FBXO39: variants seen among roughly 807,000 people sequenced by gnomAD.
FBXO39 encodes F-box protein 39, also known as F-box only protein 39.
FBXO39 carries 22 observed loss-of-function variants against 36.6 expected under a neutral mutation model. The observed-to-expected ratio is 0.60, with a 90% CI of 0.43 to 0.86. FBXO39 has a LOEUF of 0.86. Ranked by LOEUF, FBXO39 falls within the 40% of genes least tolerant of loss-of-function variation. The pLI, the probability that FBXO39 is intolerant of heterozygous loss-of-function variation, is 0.00. For synonymous variants in FBXO39, 206 were observed against 205.8 expected, an observed-to-expected ratio of 1.00 and a Z score of -0.01; for missense variants, 536 against 543.9, an observed-to-expected ratio of 0.99 and a Z score of 0.14.
At position 6,780,120 on chromosome 17, in the gene FBXO39, G is replaced by A; in HGVS notation, c.252G>A (p.Lys84=). 1 of 1,614,198 alleles carries A rather than the reference G, an allele frequency of 6.2e-7. No individual in the cohort carries two copies. Among genetic ancestry groups the A allele is most frequent in the Non-Finnish European group, 8.5e-7 (1 of 1,180,040 alleles). The part of the protein sequence containing the change: ...EVESAVWYVK[K]FGRYLEHLEV... ...AGTCAGCTGTTTGGTATGTTAAGAA[G>A]TTTGGTCGTTATCTGGAGCACCTGG... Residue 84 remains lysine (K), a synonymous_variant, in exon 2 of 4, where the codon AAG becomes AAA. Coordinates refer to ENST00000321535, the MANE Select transcript of FBXO39 (RefSeq NM_153230.3).
rs1225459657 is a variant in FBXO39, at chr17:6,780,815, G to A, written c.947G>A (p.Cys316Tyr). The change falls in exon 2 of 4, where the codon TGC becomes TAC. Residue 316 changes from cysteine to tyrosine, a missense_variant. Physicochemically the swap from Cys to Tyr is radical, Grantham distance 194 (BLOSUM62 -2). Transcript: ENST00000321535. ...IPIRSISLRSCYFSDPDCSMR... is the reference protein window; with the variant it reads ...IPIRSISLRSYYFSDPDCSMR... Reference sequence around the variant, plus strand: ...ATCAGGAGCATCAGTCTGAGAAGCTGCTATTTCAGTGACCCAGACTGTTCA... The same window carrying A: ...ATCAGGAGCATCAGTCTGAGAAGCTACTATTTCAGTGACCCAGACTGTTCA... 1 of 1,613,954 alleles carries A rather than the reference G, an allele frequency of 6.2e-7. No homozygotes were observed. Among genetic ancestry groups the A allele is most frequent in the African/African-American group, 1.3e-5 (1 of 74,920 alleles).
Position 6,780,012 on chromosome 17 carries a change from G to A in FBXO39, c.144G>A (p.Gln48=), listed in dbSNP as rs755664200. The A allele has an allele frequency of 8.7e-6, 14 of 1,614,106 alleles. No individual in the cohort carries two copies. The Admixed American group carries it at 1.8e-4, about 21-fold the overall frequency. The change falls in exon 2 of 4, where the codon CAG becomes CAA. Residue 48 remains glutamine, a synonymous_variant. Coordinates refer to ENST00000321535, the MANE Select transcript of FBXO39 (RefSeq NM_153230.3). The part of the protein sequence containing the change: ...RAALVCRKWN[Q]MMYSAELWRY... ...CTCTTGTCTGCAGAAAGTGGAACCA[G>A]ATGATGTATTCTGCTGAGCTCTGGC...
At chr17:6,784,812 TG>T (rs1448425023) in intron 2 of FBXO39, among the ~76,000 whole-genome samples, 3 of 152,000 alleles carry the variant, frequency 2.0e-5, no homozygotes, top group Non-Finnish European at 4.4e-5. Context: ...GAAGAATCAA[TG>T]TTGTCAAAAT....
intron 2 of FBXO39, among the ~76,000 whole-genome samples, chr17:6,783,469 A>T (rs1976532453): frequency 6.6e-6 from 1 of 152,046 alleles, no homozygotes; most frequent in Non-Finnish European, 1.5e-5. Flanking sequence ...AGTGAAATAA[A>T]AGCTTTTTGA....
intron 3 of FBXO39, 36 bp from the exon 4 acceptor site, chr17:6,787,264 G>C (rs5016848): frequency 4.4e-6 from 7 of 1,603,322 alleles, no homozygotes; most frequent in Non-Finnish European, 5.1e-6. Context: ...GCGTGTGTGC[G>C]TGCTCATATG....
Position 6,780,033 on chromosome 17 carries a change from C to T in FBXO39, c.165C>T (p.Leu55=). 2 of 1,614,216 alleles carry T rather than the reference C, an allele frequency of 1.2e-6. No homozygotes were observed. The highest frequency in any genetic ancestry group is 1.7e-6 in the Non-Finnish European group (2 of 1,180,048). The change falls in exon 2 of 4, where the codon CTC becomes CTT. Residue 55 remains leucine (L), a synonymous_variant. Coordinates refer to ENST00000321535, the MANE Select transcript of FBXO39 (RefSeq NM_153230.3). ...ACCAGATGATGTATTCTGCTGAGCT[C>T]TGGCGGTACAGAACCATCACCTTCA... ...KWNQMMYSAE[L]WRYRTITFSG...
At position 6,786,927 on chromosome 17, in the gene FBXO39, GAA is replaced by G. The variant is rs1976579963; in HGVS notation, c.1172_1173del (p.Glu391AlafsTer18). ...FVERILKSQK[E>X]RQCALRVFKA... ...GGAGCGGATCCTGAAGAGTCAGAAA[GAA>G]CGGCAGTGTGCCCTGCGTGTATTCA... On this transcript the variant is annotated frameshift_variant, in exon 3 of 4. Coordinates refer to ENST00000321535, the MANE Select transcript of FBXO39 (RefSeq NM_153230.3). LOFTEE classifies it high-confidence loss of function. 2 of 1,613,920 alleles carry G rather than the reference GAA, an allele frequency of 1.2e-6. No individual in the cohort carries two copies. Among genetic ancestry groups the G allele is most frequent in the African/African-American group, 2.7e-5 (2 of 75,048 alleles).
Position 6,779,968 on chromosome 17 carries a change from A to C in FBXO39, c.100A>C (p.Arg34=). 6.2e-7 allele frequency: 1 copy of C among 1,614,230 alleles called. No homozygotes were observed. Among genetic ancestry groups the C allele is most frequent in the Non-Finnish European group, 8.5e-7 (1 of 1,180,036 alleles). The change falls in exon 2 of 4, where the codon AGG becomes CGG. Residue 34 remains arginine (R), a synonymous_variant. Coordinates refer to ENST00000321535, the MANE Select transcript of FBXO39 (RefSeq NM_153230.3). ...LCRVFWWLGD[R]DRSRAALVCR... is the part of the protein sequence containing the mutation. ...CCGTGTTTTCTGGTGGCTAGGAGAC[A>C]GGGACAGGTCCAGGGCTGCTCTTGT...
At position 6,787,511 on chromosome 17, in the gene FBXO39, G is replaced by A. The variant is rs1252754719; in HGVS notation, c.*83G>A. ...TTAGAACTACACTTGGGCACTGCCG[G>A]CCCTTTTGCTCCTCTCTCTCCCCTC... On this transcript the variant is annotated 3_prime_UTR_variant, in exon 4 of 4. Transcript: ENST00000321535. The A allele has an allele frequency of 5.9e-6, 9 of 1,533,434 alleles. No individual in the cohort carries two copies. The highest frequency in any genetic ancestry group is 1.7e-4 in the Middle Eastern group (1 of 5,726). The allele number at this position is 1,533,434 out of a possible 1,614,324, so 95.0% of individuals were successfully genotyped here.
rs1035210969 is a variant in FBXO39 at position 6,780,642 on chromosome 17, C to T, written c.774C>T (p.Cys258=). 6.2e-7 allele frequency: 1 copy of T among 1,614,134 alleles called. No homozygotes were observed. Residue 258 remains cysteine (C), a synonymous_variant, in exon 2 of 4, where the codon TGC becomes TGT. Transcript: ENST00000321535. ...CCCTCCGGACCATCAACATCAAATG[C>T]CACGTTCATGACCCCCACGGACAGG... ...ASTLRTINIK[C]HVHDPHGQVI...
intron 2 of FBXO39, among the ~76,000 whole-genome samples, chr17:6,784,741 T>A (rs1233531931): frequency 6.6e-6 from 1 of 151,068 alleles, no homozygotes; most frequent in South Asian, 2.1e-4. Context: ...TTATAAAATA[T>A]TGATGCAAGA....
chr17:6,784,929 A>ACATATATATATATGTGTGTG (rs1976549461), intron 2 of FBXO39, among the ~76,000 whole-genome samples: 1 of 136,214 alleles, frequency 7.3e-6, no homozygotes, highest in African/African-American at 3.1e-5. Context: ...ATATATATAT[A>ACATATATATATATGTGTGTG]TGTGTGTGTG....
At chr17:6,786,103 A>G (rs187089988) in intron 2 of FBXO39, among the ~76,000 whole-genome samples, 3 of 152,390 alleles carry the variant, frequency 2.0e-5, no homozygotes, top group Admixed American at 2.0e-4. Context: ...GAAGCAACCT[A>G]AGTGTCCATC....
rs756354464 is a variant in FBXO39 at position 6,787,478 on chromosome 17, C to A, written c.*50C>A. 3 of 1,606,064 alleles carry A rather than the reference C, an allele frequency of 1.9e-6. No homozygotes were observed. The highest frequency in any genetic ancestry group is 1.3e-5 in the African/African-American group (1 of 74,586). On this transcript the variant is annotated 3_prime_UTR_variant, in exon 4 of 4. Coordinates refer to ENST00000321535, the MANE Select transcript of FBXO39 (RefSeq NM_153230.3). ...CTGGGAGCACTTTGAACTTGAAAATCATTTCTCTTAGAACTACACTTGGGC... is the reference window on the plus strand; with the variant it reads ...CTGGGAGCACTTTGAACTTGAAAATAATTTCTCTTAGAACTACACTTGGGC...
Position 6,780,321 on chromosome 17 carries a change from C to A in FBXO39, c.453C>A (p.Ser151Arg). The A allele has an allele frequency of 6.2e-7, 1 of 1,614,164 alleles. No homozygotes were observed. Among genetic ancestry groups the A allele is most frequent in the African/African-American group, 1.3e-5 (1 of 75,046 alleles). ...ACAGCATCAGGAGCTCATTCATCAG[C>A]AGCTTGAGCTTCTTCTTAAAGAAGA... ...WRNSIRSSFI[S>R]SLSFFLKKMG... The change falls in exon 2 of 4, where the codon AGC (serine) becomes AGA (arginine). Residue 151 changes from serine to arginine, a missense_variant. By Grantham distance (110) the Ser-to-Arg change is moderately radical (BLOSUM62 -1). Transcript: ENST00000321535.
At chr17:6,784,949 GTGTGTATA>G (rs1976551081) in intron 2 of FBXO39, among the ~76,000 whole-genome samples, 1 of 131,598 alleles carries the variant, frequency 7.6e-6, no homozygotes, top group African/African-American at 3.7e-5. Context: ...GTGTGTGTGT[GTGTGTATA>G]TATATATATG....
rs973567392 is a variant in FBXO39 at position 6,780,036 on chromosome 17, G to A, written c.168G>A (p.Trp56Ter). The A allele has an allele frequency of 1.2e-6, 2 of 1,614,178 alleles. No individual in the cohort carries two copies. Among genetic ancestry groups the A allele is most frequent in the Non-Finnish European group, 1.7e-6 (2 of 1,180,032 alleles). ...WNQMMYSAEL[W>*]RYRTITFSGR... The stretch of plus-strand genomic sequence containing the variant: ...AGATGATGTATTCTGCTGAGCTCTG[G>A]CGGTACAGAACCATCACCTTCAGCG... Residue 56 changes from tryptophan to a stop codon, truncating the protein, a stop_gained, in exon 2 of 4, where the codon TGG becomes TGA. Transcript: ENST00000321535. LOFTEE classifies it high-confidence loss of function.
At chr17:6,778,125 G>T (rs1399393156) in intron 1 of FBXO39, among the ~76,000 whole-genome samples, 1 of 152,202 alleles carries the variant, frequency 6.6e-6, no homozygotes, top group Non-Finnish European at 1.5e-5. Flanking sequence ...CCTGCCATGG[G>T]TTCTATTCAG....
intron 1 of FBXO39, among the ~76,000 whole-genome samples, chr17:6,777,168 T>C (rs1415006773): frequency 6.6e-6 from 1 of 152,172 alleles, no homozygotes; most frequent in Non-Finnish European, 1.5e-5. Flanking sequence ...GGTATACATG[T>C]GCCATGGTGG....
Sources: gnomAD v4.1 joint callset for allele counts (sites outside exome capture counted in the v4.1 genomes callset) on GRCh38, gnomAD v4.1.1 for gene constraint, MANE v1.5 for transcripts, NCBI Gene and HGNC (gene_info 2026-07-23, HGNC 2026-07-21) for gene names.